ADAMTSL1: variants seen among roughly 807,000 people sequenced by gnomAD.
The protein encoded by ADAMTSL1 is ADAMTS like 1.
ADAMTSL1 carries 126 observed loss-of-function variants against 201.8 expected under a neutral mutation model. The observed-to-expected ratio is 0.62, with a 90% CI of 0.54 to 0.72. The LOEUF (loss-of-function observed/expected upper bound fraction) is 0.72. Ranked by LOEUF, ADAMTSL1 falls within the 30% of genes least tolerant of loss-of-function variation. ADAMTSL1 has a pLI of 0.00. For missense variants in ADAMTSL1, 2,679 were observed against 2,277.8 expected, an observed-to-expected ratio of 1.18 and a Z score of -3.59; for synonymous variants, 1,121 against 903.4, an observed-to-expected ratio of 1.24 and a Z score of -4.32.
At chr9:18,444,139 G>C (rs1820100741) in intron 2 of ADAMTSL1, among the ~76,000 whole-genome samples, 1 of 152,284 alleles carries the variant, frequency 6.6e-6, no homozygotes, top group Non-Finnish European at 1.5e-5. Flanking sequence ...ATGATGTCTA[G>C]CATGTGTGAC....
intron 1 of ADAMTSL1, among the ~76,000 whole-genome samples, chr9:17,935,678 C>T (rs571672694): frequency 2.4e-4 from 36 of 152,200 alleles, no homozygotes; most frequent in Non-Finnish European, 4.3e-4. Context: ...CTCTCACACC[C>T]CTTGCCTGAT....
intron 23 of ADAMTSL1, among the ~76,000 whole-genome samples, chr9:18,870,325 A>G (rs934858365): frequency 6.6e-6 from 1 of 152,206 alleles, no homozygotes; most frequent in African/African-American, 2.4e-5. Flanking sequence ...GTACGGATAT[A>G]GAGGCTCTGA....
At chr9:17,923,536 G>C (rs567552122) in intron 1 of ADAMTSL1, among the ~76,000 whole-genome samples, 7 of 151,820 alleles carry the variant, frequency 4.6e-5, no homozygotes, top group East Asian at 2.0e-4. Context: ...TGAGACAATG[G>C]GGTTTTCTAG....
intron 1 of ADAMTSL1, among the ~76,000 whole-genome samples, chr9:18,152,671 A>G (rs900175892): frequency 2.0e-5 from 3 of 151,924 alleles, no homozygotes; most frequent in African/African-American, 7.2e-5. Flanking sequence ...ATATGATCAT[A>G]AGAGGGTGAT....
At chr9:18,619,499 T>G (rs1476759400) in intron 4 of ADAMTSL1, among the ~76,000 whole-genome samples, 1 of 152,266 alleles carries the variant, frequency 6.6e-6, no homozygotes, top group East Asian at 1.9e-4. Flanking sequence ...TTGGTTCATA[T>G]CCTGGGGTCC....
At chr9:18,517,906 G>T (rs143558203) in intron 2 of ADAMTSL1, among the ~76,000 whole-genome samples, 4 of 152,110 alleles carry the variant, frequency 2.6e-5, no homozygotes, top group Non-Finnish European at 4.4e-5. Flanking sequence ...ATGTGAGGCC[G>T]AAAGTTCTTC....
intron 3 of ADAMTSL1, among the ~76,000 whole-genome samples, chr9:18,549,542 A>T (rs1022285043): frequency 2.0e-5 from 3 of 151,992 alleles, no homozygotes; most frequent in African/African-American, 7.2e-5. Context: ...GGGGTATGAG[A>T]GTGTGTATAT....
chr9:17,953,045 T>TG (rs398113311), intron 1 of ADAMTSL1, among the ~76,000 whole-genome samples: 2 of 151,772 alleles, frequency 1.3e-5, no homozygotes, highest in African/African-American at 4.8e-5. Context: ...TTTTTTTTTT[T>TG]GGAATCACAC....
upstream of ADAMTSL1, among the ~76,000 whole-genome samples, chr9:18,471,631 T>C (rs1306884346): frequency 5.3e-5 from 8 of 152,252 alleles, no homozygotes; most frequent in African/African-American, 1.9e-4. Context: ...CTGTACTGTG[T>C]AGCTCTGGAT....
intron 1 of ADAMTSL1, among the ~76,000 whole-genome samples, chr9:17,989,550 T>G (rs1819065997): frequency 6.6e-6 from 1 of 152,060 alleles, no homozygotes; most frequent in Non-Finnish European, 1.5e-5. Flanking sequence ...TGAATTTATT[T>G]CAAAAGCAGA....
intron 16 of ADAMTSL1, among the ~76,000 whole-genome samples, chr9:18,756,686 A>C (rs1819793748): frequency 6.6e-6 from 1 of 152,152 alleles, no homozygotes; most frequent in African/African-American, 2.4e-5. Flanking sequence ...ATCCTTCAAC[A>C]CCCAACCTAC....
intron 2 of ADAMTSL1, among the ~76,000 whole-genome samples, chr9:18,318,779 G>C (rs990044348): frequency 6.6e-6 from 1 of 152,054 alleles, no homozygotes; most frequent in African/African-American, 2.4e-5. Context: ...TTCAGATTCA[G>C]CAAGTCTAAC....
intron 1 of ADAMTSL1, among the ~76,000 whole-genome samples, chr9:17,964,488 T>C (rs950318179): frequency 7.9e-5 from 12 of 152,168 alleles, no homozygotes; most frequent in Admixed American, 2.0e-4. Flanking sequence ...AAGGAATCCC[T>C]GCGTGGTGAC....
intron 4 of ADAMTSL1, among the ~76,000 whole-genome samples, chr9:18,594,636 T>C (rs907515327): frequency 1.3e-5 from 2 of 152,232 alleles, no homozygotes; most frequent in Admixed American, 6.5e-5. Context: ...ATTCATTATA[T>C]GTTTCAGCTC....
chr9:18,117,149 T>C (rs2776660), intron 1 of ADAMTSL1, among the ~76,000 whole-genome samples: 151,752 of 152,292 alleles, frequency 1, 75,609 homozygotes, highest in Non-Finnish European at 1. Context: ...TCTTCTCCTA[T>C]TTGAATTGCT....
intron 8 of ADAMTSL1, among the ~76,000 whole-genome samples, chr9:18,661,239 G>A (rs1015993195): frequency 1.3e-5 from 2 of 152,130 alleles, no homozygotes; most frequent in African/African-American, 4.8e-5. Context: ...TGTGGGTGGA[G>A]GCTAAGAAAT....
At chr9:18,516,256 G>A (rs1004435987) in intron 2 of ADAMTSL1, among the ~76,000 whole-genome samples, 1 of 152,142 alleles carries the variant, frequency 6.6e-6, no homozygotes, top group Non-Finnish European at 1.5e-5. Context: ...GAAAGAGAGA[G>A]AGATGGAGAC....
intron 2 of ADAMTSL1, among the ~76,000 whole-genome samples, chr9:18,248,038 G>T (rs867184414): frequency 6.6e-6 from 1 of 152,244 alleles, no homozygotes; most frequent in Middle Eastern, 3.4e-3. Flanking sequence ...CATTCAAAAG[G>T]TTTCTCATTT....
Position 18,887,403 on chromosome 9 carries a change from C to A in ADAMTSL1, c.4250-428C>A, listed in dbSNP as rs562039963. On this transcript the variant is annotated intron_variant, in intron 23 of 28. Coordinates refer to ENST00000380548, the MANE Select transcript of ADAMTSL1 (RefSeq NM_001040272.6). ...AAATGAGGGAATATGATACTTTTAC[C>A]AAATCAAGTTTGTTTCTTAACTATT... Among the ~76,000 whole-genome samples the A allele has an allele frequency of 2.0e-5, 3 of 152,052 alleles. No homozygotes were observed. The East Asian group carries it at 5.8e-4, about 29-fold the overall frequency.
Sources: gnomAD v4.1 joint callset for allele counts (sites outside exome capture counted in the v4.1 genomes callset) on GRCh38, gnomAD v4.1.1 for gene constraint, MANE v1.5 for transcripts, NCBI Gene and HGNC (gene_info 2026-07-23, HGNC 2026-07-21) for gene names.